The following GNAL variants were observed in gnomAD, a reference collection of about 807,000 sequenced individuals.
GNAL encodes the protein G protein subunit alpha L.
A neutral mutation model predicts 55.1 loss-of-function variants in GNAL; 18 were observed. That is an observed-to-expected ratio of 0.33 (90% CI 0.23 to 0.48). The LOEUF is 0.48. Among genes scored for constraint, GNAL ranks in the 20% least tolerant of loss-of-function variants. GNAL has a pLI of 0.99. For synonymous variants in GNAL, 253 were observed against 237.0 expected (o/e 1.07, Z -0.62); for missense variants, 412 against 614.1 (o/e 0.67, Z 3.48).
At chr18:11,847,372 A>G (rs1453752752) in intron 5 of GNAL, among the ~76,000 whole-genome samples, 1 of 152,128 alleles carries the variant, frequency 6.6e-6, no homozygotes, top group Non-Finnish European at 1.5e-5. Flanking sequence ...TCACAAGAGA[A>G]AGTTATTTTT....
intron 1 of GNAL, among the ~76,000 whole-genome samples, chr18:11,701,277 A>C (rs1394730521): frequency 6.6e-6 from 1 of 152,086 alleles, no homozygotes. Context: ...TGATTGTTTA[A>C]TGTCAATGTT....
intron 5 of GNAL, among the ~76,000 whole-genome samples, chr18:11,854,784 A>T (rs2035965448): frequency 6.6e-6 from 1 of 152,158 alleles, no homozygotes; most frequent in Admixed American, 6.5e-5. Context: ...TCAGTCTCAA[A>T]AAAAGGAAAA....
At chr18:11,828,752 G>A (rs1023019172) in intron 5 of GNAL, among the ~76,000 whole-genome samples, 12 of 152,112 alleles carry the variant, frequency 7.9e-5, no homozygotes, top group African/African-American at 2.7e-4. Context: ...AATAAATCAT[G>A]GAAAAAGAAA....
chr18:11,835,805 AAG>A (rs1454576896), intron 5 of GNAL, among the ~76,000 whole-genome samples: 1 of 152,180 alleles, frequency 6.6e-6, no homozygotes, highest in Non-Finnish European at 1.5e-5. Flanking sequence ...GAAAACAACT[AAG>A]TACTGTACTA....
In GNAL at chr18:11,864,597, TA is replaced by T; in HGVS notation, c.845del (p.Asn282ThrfsTer39). On this transcript the variant is annotated frameshift_variant, in exon 7 of 12. Transcript: ENST00000334049. LOFTEE classifies it high-confidence loss of function. ...GAGACACGATTCCAAGTGGACAAAG[TA>T]AACTTCCAGTGAGTATGTTGTTAAG... ...IFETRFQVDK[V>X]NFHMFDVGGQ... 6.5e-7 allele frequency: 1 copy of T among 1,550,194 alleles called. No homozygotes were observed. The highest frequency in any genetic ancestry group is 8.9e-7 in the Non-Finnish European group (1 of 1,121,744).
chr18:11,880,973 ACG>A lies in GNAL; in HGVS notation c.1231-14_1231-13del. On this transcript the variant is annotated splice_polypyrimidine_tract_variant and intron_variant, in intron 11 of 11. Transcript: ENST00000334049. ...CTGGGGCCGCGCAGGGCTAGTGCACACGCTCTCTCTTGCAGAGGATCAGCACG... is the reference window on the plus strand; with the variant it reads ...CTGGGGCCGCGCAGGGCTAGTGCACACTCTCTCTTGCAGAGGATCAGCACG... 1 of 1,612,524 alleles carries A rather than the reference ACG, an allele frequency of 6.2e-7. No homozygotes were observed. Among genetic ancestry groups the A allele is most frequent in the Non-Finnish European group, 8.5e-7 (1 of 1,178,980 alleles).
At chr18:11,733,814 A>G (rs965036101) in intron 1 of GNAL, among the ~76,000 whole-genome samples, 1 of 151,264 alleles carries the variant, frequency 6.6e-6, no homozygotes, top group East Asian at 1.9e-4. Context: ...AGTGATGCCT[A>G]CACTATGCTC....
chr18:11,751,514 C>T lies in GNAL; in HGVS notation c.377-1339C>T. 1 of 985,484 alleles carries T rather than the reference C, an allele frequency of 1.0e-6. No homozygotes were observed. Among genetic ancestry groups the T allele is most frequent in the Non-Finnish European group, 1.2e-6 (1 of 829,938 alleles). 61.0% of individuals were successfully genotyped at this position (985,484 alleles called of 1,614,324 possible). On this transcript the variant is annotated intron_variant, in intron 1 of 11. Transcript: ENST00000334049. The surrounding 1 kb of genome is among the most constrained non-coding windows in gnomAD (Gnocchi z 4.5). ...GAACAAAGGCGGTGTGACTGGTGAG[C>T]CTCGGAGGGATCCTCCTCCCTGCTA...
In GNAL at chr18:11,866,750, A is replaced by G. The variant is rs185084515; in HGVS notation, c.852-418A>G. On this transcript the variant is annotated intron_variant, in intron 7 of 11. Transcript: ENST00000334049. ...CAATTCTCCATGGGAGGGAAGACAC[A>G]GTGTCCTGAGAGCTGGAACAAATCA... Among the ~76,000 whole-genome samples the G allele has an allele frequency of 2.3e-4, 34 of 150,402 alleles. 6 individuals are homozygous for G. Among genetic ancestry groups the G allele is most frequent in the African/African-American group, 6.5e-4 (26 of 39,712 alleles).
intron 7 of GNAL, 113 bp downstream of exon 7, chr18:11,864,719 GTA>G: frequency 1.4e-6 from 1 of 717,908 alleles, no homozygotes; most frequent in Non-Finnish European, 2.6e-6. Flanking sequence ...GCCCTTTCAG[GTA>G]AGAGCAGCTG....
At chr18:11,809,967 T>C (rs75396529) in intron 4 of GNAL, among the ~76,000 whole-genome samples, 2,849 of 152,358 alleles carry the variant, frequency 0.019, 93 homozygotes, top group African/African-American at 0.065. Context: ...TTGAAATCTT[T>C]CCTTTTGTAT....
chr18:11,793,800 G>A (rs1254633498), intron 4 of GNAL, among the ~76,000 whole-genome samples: 1 of 151,514 alleles, frequency 6.6e-6, no homozygotes. Context: ...GCACGTGCCT[G>A]TGATCCCAGC....
chr18:11,722,501 A>G (rs1385854497), intron 1 of GNAL, among the ~76,000 whole-genome samples: 1 of 152,204 alleles, frequency 6.6e-6, no homozygotes, highest in African/African-American at 2.4e-5. Flanking sequence ...AGCACCCTTC[A>G]CTGTACCATA....
chr18:11,885,493 C>T lies in GNAL; in HGVS notation c.*4358C>T. 1 of 685,316 alleles carries T rather than the reference C, an allele frequency of 1.5e-6. No homozygotes were observed. The highest frequency in any genetic ancestry group is 2.4e-6 in the Non-Finnish European group (1 of 410,420). The allele number at this position is 685,316 out of a possible 1,614,324, so 42.5% of individuals were successfully genotyped here. On this transcript the variant is annotated 3_prime_UTR_variant, in exon 12 of 12. Transcript: ENST00000334049. ...TCTCACATTAACTGCCCAGGAATGT[C>T]ATGCTGATTGGTTCCCGGAAGGGTG...
At chr18:11,770,919 A>G (rs900640842) in intron 4 of GNAL, among the ~76,000 whole-genome samples, 1 of 152,162 alleles carries the variant, frequency 6.6e-6, no homozygotes, top group Non-Finnish European at 1.5e-5. Flanking sequence ...AATTAAGCCA[A>G]TAAATATTAT....
chr18:11,705,510 T>C (rs142728788), intron 1 of GNAL, among the ~76,000 whole-genome samples: 133 of 152,272 alleles, frequency 8.7e-4, no homozygotes, highest in African/African-American at 3.0e-3. Context: ...ATTCTATATT[T>C]TGATTTTTTA....
chr18:11,723,892 G>T (rs1179570176), intron 1 of GNAL, among the ~76,000 whole-genome samples: 2 of 152,230 alleles, frequency 1.3e-5, no homozygotes, highest in Non-Finnish European at 2.9e-5. Context: ...TACACAAAAA[G>T]AATTCCCTTC....
At chr18:11,846,868 C>T (rs1010141871) in intron 5 of GNAL, among the ~76,000 whole-genome samples, 7 of 152,100 alleles carry the variant, frequency 4.6e-5, no homozygotes, top group African/African-American at 1.7e-4. Flanking sequence ...TCGGCCATCA[C>T]ACCCAGCCCT....
chr18:11,813,711 A>G (rs1598482314), intron 4 of GNAL, among the ~76,000 whole-genome samples: 1 of 152,102 alleles, frequency 6.6e-6, no homozygotes, highest in East Asian at 1.9e-4. Flanking sequence ...CCACCTTCAT[A>G]TGGTCCATTT....
Sources: gnomAD v4.1 joint callset for allele counts (sites outside exome capture counted in the v4.1 genomes callset) on GRCh38, gnomAD v4.1.1 for gene constraint, Gnocchi (gnomAD v3.1) non-coding constraint, MANE v1.5 for transcripts, NCBI Gene and HGNC (gene_info 2026-07-23, HGNC 2026-07-21) for gene names.